The following AP2A1 variants were observed in gnomAD, a reference collection of about 807,000 sequenced individuals.
AP2A1 encodes adaptor related protein complex 2 subunit alpha 1.
In AP2A1, 21 loss-of-function variants were observed where a neutral mutation model predicts 107.3. The ratio of observed to expected loss-of-function variants is 0.20; its 90% CI spans 0.14 to 0.28. The LOEUF (loss-of-function observed/expected upper bound fraction) is 0.28, where lower values mean the gene tolerates loss of function less well. AP2A1 is among the 10% of genes least tolerant of loss of function. AP2A1 has a pLI of 1.00. For synonymous variants in AP2A1, 602 were observed against 564.8 expected, an observed-to-expected ratio of 1.07 and a Z score of -0.93; for missense variants, 873 against 1,307.7, an observed-to-expected ratio of 0.67 and a Z score of 5.13.
At chr19:49,782,170 TG>T (rs1568576938) in intron 3 of AP2A1, 81 bp downstream of exon 3, 1 of 78,934 alleles carries the variant, frequency 1.3e-5, no homozygotes, top group Non-Finnish European at 1.9e-5. Flanking sequence ...CTCCTGGATC[TG>T]GGGGAGGAGG....
At chr19:49,772,780 G>A (rs1427539223) in intron 1 of AP2A1, among the ~76,000 whole-genome samples, 1 of 151,906 alleles carries the variant, frequency 6.6e-6, no homozygotes, top group East Asian at 1.9e-4. Flanking sequence ...GATTACAGGC[G>A]TGAGCCACCG....
intron 4 of AP2A1, among the ~76,000 whole-genome samples, chr19:49,786,315 T>C (rs1280713064): frequency 1.3e-5 from 2 of 152,266 alleles, no homozygotes; most frequent in African/African-American, 4.8e-5. Flanking sequence ...CACAAAATAT[T>C]ATCACTTTGA....
chr19:49,776,644 C>T (rs763003558), intron 1 of AP2A1, among the ~76,000 whole-genome samples: 5 of 152,162 alleles, frequency 3.3e-5, no homozygotes, highest in Non-Finnish European at 4.4e-5. Flanking sequence ...GTTGCTGGCC[C>T]TGAATGCCGG....
Position 49,802,074 on chromosome 19 carries a change from G to C in AP2A1, c.2047G>C (p.Val683Leu), listed in dbSNP as rs1457133428. The change falls in exon 15 of 23, where the codon GTG becomes CTG. Residue 683 changes from valine to leucine, a missense_variant. Coordinates refer to ENST00000354293, the MANE Select transcript of AP2A1 (RefSeq NM_130787.3). ...TTCTGCAGGAGCAGGGAACCTTCTG[G>C]TGGACGTCTTCGATGGCCCGGCCGC... ...PASAGAGNLL[V>L]DVFDGPAAQP... The C allele has an allele frequency of 3.1e-6, 5 of 1,592,434 alleles. No individual in the cohort carries two copies. Among genetic ancestry groups the C allele is most frequent in the Non-Finnish European group, 4.3e-6 (5 of 1,174,418 alleles).
Position 49,781,814 on chromosome 19 carries a change from C to G in AP2A1, c.125C>G (p.Ser42Cys), listed in dbSNP as rs1342158259. ...AACAAGGAACTGGCCAACATCCGCTCCAAGTTCAAAGGTAGGCTGGGGGCC... is the reference window on the plus strand; with the variant it reads ...AACAAGGAACTGGCCAACATCCGCTGCAAGTTCAAAGGTAGGCTGGGGGCC... ...RINKELANIR[S>C]KFKGDKALDG... Residue 42 changes from serine (S) to cysteine (C), a missense_variant, in exon 2 of 23, where the codon TCC becomes TGC. Physicochemically the swap from Ser to Cys is moderately radical, Grantham distance 112. Around this residue, in one of 4 missense-constraint regions of AP2A1, gnomAD observed 87 missense variants for 178.2 expected, o/e 0.49. Transcript: ENST00000354293. 2 of 1,610,080 alleles carry G rather than the reference C, an allele frequency of 1.2e-6. No individual in the cohort carries two copies. Among genetic ancestry groups the G allele is most frequent in the Non-Finnish European group, 1.7e-6 (2 of 1,178,006 alleles).
chr19:49,795,859 G>A (rs963462346), intron 7 of AP2A1, 121 bp downstream of exon 7: 18 of 809,474 alleles, frequency 2.2e-5, no homozygotes, highest in African/African-American at 5.1e-5. Context: ...CTGAAGCTGG[G>A]GCGGTTCCTC....
intron 1 of AP2A1, among the ~76,000 whole-genome samples, chr19:49,781,283 A>G (rs1434493292): frequency 1.3e-5 from 2 of 152,248 alleles, no homozygotes; most frequent in Non-Finnish European, 2.9e-5. Flanking sequence ...ACAGCACCCA[A>G]GGGTCTGACC....
rs142159428 is a variant in AP2A1, at chr19:49,792,603, C to T, written c.604-388C>T. On this transcript the variant is annotated intron_variant, in intron 5 of 22. Transcript: ENST00000354293. ...TGACCCCCACACCCCTCACCAACCA[C>T]CCAGTCCCTTAGAAAATCCCACTCT... Among the ~76,000 whole-genome samples, 1,322 of 152,162 alleles carry T rather than the reference C, an allele frequency of 8.7e-3. 22 individuals carry two copies. Among genetic ancestry groups the T allele is most frequent in the African/African-American group, 0.03 (1,264 of 41,504 alleles).
chr19:49,806,349 C>T, intron 22 of AP2A1, 96 bp downstream of exon 22: 4 of 1,415,210 alleles, frequency 2.8e-6, no homozygotes, highest in Non-Finnish European at 3.7e-6. Context: ...ATTCACGTCC[C>T]CACTTTGACC....
rs2073358713 is a variant in AP2A1, at chr19:49,805,556, G to A, written c.2448G>A (p.Pro816=). Reference sequence around the variant, plus strand: ...GCCTGCGGGACTTCCTGACGCCCCCGCTGCTGTCCGTGCGCTTCCGGTGAG... The same window carrying A: ...GCCTGCGGGACTTCCTGACGCCCCCACTGCTGTCCGTGCGCTTCCGGTGAG... The part of the protein sequence containing the change: ...IECLRDFLTP[P]LLSVRFRYGG... Residue 816 remains proline, a synonymous_variant, in exon 19 of 23, where the codon CCG becomes CCA. Coordinates refer to ENST00000354293, the MANE Select transcript of AP2A1 (RefSeq NM_130787.3). The A allele has an allele frequency of 6.3e-7, 1 of 1,577,534 alleles. No individual in the cohort carries two copies. The highest frequency in any genetic ancestry group is 1.3e-5 in the African/African-American group (1 of 74,346).
At chr19:49,792,525 C>A (rs2073159240) in intron 5 of AP2A1, among the ~76,000 whole-genome samples, 1 of 151,944 alleles carries the variant, frequency 6.6e-6, no homozygotes, top group African/African-American at 2.4e-5. Flanking sequence ...TGTCCAGAAA[C>A]CCTCCCATCC....
At chr19:49,800,390 GC>G (rs1017335601) in intron 11 of AP2A1, among the ~76,000 whole-genome samples, 1 of 152,240 alleles carries the variant, frequency 6.6e-6, no homozygotes, top group African/African-American at 2.4e-5. Context: ...TGCAGTCCTG[GC>G]CCCCGGATCT....
At chr19:49,791,910 C>A in intron 4 of AP2A1, 25 bp from the exon 5 acceptor site, 2 of 1,588,008 alleles carry the variant, frequency 1.3e-6, no homozygotes, top group South Asian at 2.3e-5. Flanking sequence ...CTCTGCTTCC[C>A]CTGCCCTGCA....
chr19:49,805,899 C>G lies in AP2A1; in HGVS notation c.2613C>G (p.Phe871Leu), dbSNP rs2073369826. ...CTCAACAGGAGGCGCAGAAAATCTTCAAAGCCAACCACCCCATGGACGCAG... is the reference window on the plus strand; with the variant it reads ...CTCAACAGGAGGCGCAGAAAATCTTGAAAGCCAACCACCCCATGGACGCAG... Reference protein sequence around the residue: ...SLPQQEAQKIFKANHPMDAEV... With the variant: ...SLPQQEAQKILKANHPMDAEV... Residue 871 changes from phenylalanine (F) to leucine (L), a missense_variant, in exon 21 of 23, where the codon TTC (phenylalanine) becomes TTG (leucine). Transcript: ENST00000354293. The G allele has an allele frequency of 1.2e-6, 2 of 1,613,766 alleles. No individual in the cohort carries two copies. The highest frequency in any genetic ancestry group is 1.7e-6 in the Non-Finnish European group (2 of 1,179,904).
intron 21 of AP2A1, 25 bp from the exon 22 acceptor site, chr19:49,806,094 C>CT (rs1568591558): frequency 6.4e-7 from 1 of 1,572,468 alleles, no homozygotes; most frequent in South Asian, 1.1e-5. Flanking sequence ...CTGGCACACT[C>CT]TGACGGCGCC....
At chr19:49,773,266 T>C (rs965113483) in intron 1 of AP2A1, among the ~76,000 whole-genome samples, 10 of 152,182 alleles carry the variant, frequency 6.6e-5, no homozygotes, top group East Asian at 1.9e-4. Context: ...GGCTGCCTCC[T>C]ATCTAGGCAG....
At chr19:49,794,879 T>C (rs1428096985) in intron 6 of AP2A1, among the ~76,000 whole-genome samples, 2 of 152,076 alleles carry the variant, frequency 1.3e-5, no homozygotes, top group African/African-American at 2.4e-5. Flanking sequence ...GTCAGGCTTG[T>C]CTTGAACTCC....
In AP2A1 at chr19:49,802,753, G is replaced by T. The variant is rs567175752; in HGVS notation, c.2115-196G>T. ...AGGGAAACTTGGTGTCTGCCGATGC[G>T]GGGGCACGGGCCAGGGTTCTATTCC... On this transcript the variant is annotated intron_variant, in intron 15 of 22. Coordinates refer to ENST00000354293, the MANE Select transcript of AP2A1 (RefSeq NM_130787.3). 5.0e-6 allele frequency: 5 copies of T among 1,008,674 alleles called. 1 individual carries two copies. In the East Asian group the frequency reaches 7.8e-5, roughly 16 times the overall value. 62.5% of individuals were successfully genotyped at this position (1,008,674 alleles called of 1,614,324 possible). A position where few individuals can be genotyped will look rare whatever the true frequency, so the allele number is the denominator to read the frequency against.
At chr19:49,767,256 G>A in intron 1 of AP2A1, 56 bp downstream of exon 1, 1 of 1,597,576 alleles carries the variant, frequency 6.3e-7, no homozygotes, top group Non-Finnish European at 8.5e-7. Context: ...GCGTGAAATT[G>A]AGGGGTTTGG....
Sources: gnomAD v4.1 joint callset for allele counts (sites outside exome capture counted in the v4.1 genomes callset) on GRCh38, gnomAD v4.1.1 for gene constraint, gnomAD v4.1.1 regional missense constraint, MANE v1.5 for transcripts, NCBI Gene and HGNC (gene_info 2026-07-23, HGNC 2026-07-21) for gene names.